HNRNPF: variants seen among roughly 807,000 people sequenced by gnomAD.
HNRNPF encodes heterogeneous nuclear ribonucleoprotein F.
A neutral mutation model predicts 26.0 loss-of-function variants in HNRNPF; 2 were observed. That is an observed-to-expected ratio of 0.08 (90% CI 0.03 to 0.24). HNRNPF has a LOEUF of 0.24. HNRNPF is among the 10% of genes least tolerant of loss of function. The pLI is 1.00. For missense variants in HNRNPF, 299 were observed against 539.2 expected, an observed-to-expected ratio of 0.55 and a Z score of 4.41; for synonymous variants, 234 against 211.5, an observed-to-expected ratio of 1.11 and a Z score of -0.92.
At chr10:43,398,344 G>GTTTTT (rs71533061) in intron 1 of HNRNPF, among the ~76,000 whole-genome samples, 5 of 125,482 alleles carry the variant, frequency 4.0e-5, no homozygotes, top group South Asian at 2.5e-4. Flanking sequence ...TGTTGTTGTT[G>GTTTTT]TTTTTTTTTT....
chr10:43,390,600 A>G lies in HNRNPF; in HGVS notation c.-52-2664T>C, dbSNP rs571603555. Among the ~76,000 whole-genome samples, 3 of 152,180 alleles carry G rather than the reference A, an allele frequency of 2.0e-5. No individual in the cohort carries two copies. The East Asian group carries it at 5.8e-4, about 29-fold the overall frequency. On this transcript the variant is annotated intron_variant, in intron 3 of 3. Transcript: ENST00000682386. ...CCTCTTTCTCTCCTCATTCTTCATAATCCAGCTTAGAGCAAGTATCATTTT... is the reference window on the plus strand; with the variant it reads ...CCTCTTTCTCTCCTCATTCTTCATAGTCCAGCTTAGAGCAAGTATCATTTT...
chr10:43,401,065 G>A (rs1038334859), intron 1 of HNRNPF, among the ~76,000 whole-genome samples: 3 of 146,796 alleles, frequency 2.0e-5, no homozygotes, highest in African/African-American at 8.0e-5. Flanking sequence ...CTGGGCGATA[G>A]AGCGAGACTC....
intron 3 of HNRNPF, among the ~76,000 whole-genome samples, chr10:43,394,042 A>T (rs1457699037): frequency 2.0e-5 from 3 of 152,194 alleles, no homozygotes; most frequent in Non-Finnish European, 4.4e-5. Context: ...GTGTTGTTAA[A>T]GGGGTCTTAA....
intron 3 of HNRNPF, among the ~76,000 whole-genome samples, chr10:43,388,966 ATTTTTT>A (rs141503011): frequency 1.3e-4 from 16 of 127,098 alleles, no homozygotes; most frequent in African/African-American, 3.7e-4. Flanking sequence ...AGTATATGGA[ATTTTTT>A]TTTTTTTTTT....
Position 43,387,032 on chromosome 10 carries a change from T to A in HNRNPF, c.853A>T (p.Ser285Cys), listed in dbSNP as rs776613768. 1.2e-6 allele frequency: 2 copies of A among 1,613,622 alleles called. No homozygotes were observed. The highest frequency in any genetic ancestry group is 1.1e-5 in the South Asian group (1 of 91,076). Residue 285 changes from serine (S) to cysteine (C), a missense_variant, in exon 4 of 4, where the codon AGC becomes TGC. Transcript: ENST00000682386. This position sits in a 1 kb window ranked among gnomAD's most constrained non-coding sequence, Gnocchi z 6.0. The part of the protein sequence containing the change: ...RYGDSEFTVQ[S>C]TTGHCVHMRG... Reference sequence around the variant, plus strand: ...ATGTGGACACAGTGGCCTGTGGTGCTCTGCACTGTGAACTCACTGTCGCCG... The same window carrying A: ...ATGTGGACACAGTGGCCTGTGGTGCACTGCACTGTGAACTCACTGTCGCCG...
At chr10:43,407,081 TAGAA>T (rs1354882510) in intron 1 of HNRNPF, among the ~76,000 whole-genome samples, 1 of 152,068 alleles carries the variant, frequency 6.6e-6, no homozygotes, top group African/African-American at 2.4e-5. Context: ...TATAACTAAG[TAGAA>T]AGAATTATAT....
At chr10:43,405,614 C>T (rs1213590398) in intron 1 of HNRNPF, among the ~76,000 whole-genome samples, 1 of 151,860 alleles carries the variant, frequency 6.6e-6, no homozygotes, top group Non-Finnish European at 1.5e-5. Flanking sequence ...TGAGATTGTG[C>T]CACTGCACTC....
chr10:43,386,032 GTCTT>G lies in HNRNPF; in HGVS notation c.*601_*604del, dbSNP rs1162395015. On this transcript the variant is annotated 3_prime_UTR_variant, in exon 4 of 4. Transcript: ENST00000682386. Reference sequence around the variant, plus strand: ...AATCTGTGCCAGTCATTGTGAAAAAGTCTTTATTTTAAGAAAAAAATTTAGTTAA... The same window carrying G: ...AATCTGTGCCAGTCATTGTGAAAAAGTATTTTAAGAAAAAAATTTAGTTAA... 5.2e-5 allele frequency: 8 copies of G among 152,524 alleles called. No homozygotes were observed. The highest frequency in any genetic ancestry group is 1.5e-5 in the Non-Finnish European group (1 of 68,004). 9.4% of individuals were successfully genotyped at this position (152,524 alleles called of 1,614,324 possible). A position where few individuals can be genotyped will look rare whatever the true frequency, so the allele number is the denominator to read the frequency against.
chr10:43,406,043 A>G (rs1838908288), intron 1 of HNRNPF, among the ~76,000 whole-genome samples: 1 of 152,144 alleles, frequency 6.6e-6, no homozygotes, highest in African/African-American at 2.4e-5. Context: ...CATCTGAAAC[A>G]TGGGGCTAAT....
intron 1 of HNRNPF, among the ~76,000 whole-genome samples, chr10:43,397,989 C>G (rs992040939): frequency 6.6e-6 from 1 of 152,120 alleles, no homozygotes; most frequent in African/African-American, 2.4e-5. Context: ...TTTCATTACA[C>G]TTGTTTCTAC....
rs1838002137 is a variant in HNRNPF, at chr10:43,385,818, T to C, written c.*819A>G. On this transcript the variant is annotated 3_prime_UTR_variant, in exon 4 of 4. Transcript: ENST00000682386. ...TGTGTCTATTTGATGCTTCCCAGAA[T>C]GTGTGCTGCTAGTCACCATTTCCAC... is the stretch of plus-strand genomic sequence containing the variant. 6.6e-6 allele frequency: 1 copy of C among 152,384 alleles called. No homozygotes were observed. Among genetic ancestry groups the C allele is most frequent in the African/African-American group, 2.4e-5 (1 of 41,458 alleles). The allele number at this position is 152,384 out of a possible 1,614,324, so 9.4% of individuals were successfully genotyped here.
chr10:43,390,813 C>G (rs1428163029), intron 3 of HNRNPF, among the ~76,000 whole-genome samples: 1 of 152,164 alleles, frequency 6.6e-6, no homozygotes, highest in Non-Finnish European at 1.5e-5. Flanking sequence ...CTCAGGACTA[C>G]TGACATTTTG....
intron 1 of HNRNPF, chr10:43,396,892 G>GGGGGAGGGGAGGGGAGGGGA (rs370667436): frequency 9.6e-6 from 1 of 104,552 alleles, no homozygotes; most frequent in Non-Finnish European, 1.9e-5. Context: ...CCTCGCGGGA[G>GGGGGAGGGGAGGGGAGGGGA]GGGGAGGGGA....
At chr10:43,399,714 G>A (rs1022112210) in intron 1 of HNRNPF, among the ~76,000 whole-genome samples, 2 of 152,214 alleles carry the variant, frequency 1.3e-5, no homozygotes, top group Admixed American at 6.5e-5. Flanking sequence ...GAATGTGAAA[G>A]AATGTGTAAT....
At chr10:43,390,721 T>C (rs1279501516) in intron 3 of HNRNPF, among the ~76,000 whole-genome samples, 2 of 152,144 alleles carry the variant, frequency 1.3e-5, no homozygotes, top group African/African-American at 4.8e-5. Flanking sequence ...CAAACAAATA[T>C]CTGACTACTC....
At position 43,387,025 on chromosome 10, in the gene HNRNPF, G is replaced by A. The variant is rs1221848527; in HGVS notation, c.860C>T (p.Thr287Ile). 4 of 1,613,520 alleles carry A rather than the reference G, an allele frequency of 2.5e-6. No individual in the cohort carries two copies. Among genetic ancestry groups the A allele is most frequent in the Non-Finnish European group, 3.4e-6 (4 of 1,180,058 alleles). ...GDSEFTVQST[T>I]GHCVHMRGLP... ...GCCCCTCATGTGGACACAGTGGCCT[G>A]TGGTGCTCTGCACTGTGAACTCACT... The change falls in exon 4 of 4, where the codon ACA becomes ATA. Residue 287 changes from threonine (T) to isoleucine (I), a missense_variant. Thr to Ile is a moderately conservative substitution (Grantham distance 89). Transcript: ENST00000682386. This position sits in a 1 kb window ranked among gnomAD's most constrained non-coding sequence, Gnocchi z 6.0.
At chr10:43,402,740 A>T (rs185686231) in intron 1 of HNRNPF, among the ~76,000 whole-genome samples, 1 of 152,348 alleles carries the variant, frequency 6.6e-6, no homozygotes, top group African/African-American at 2.4e-5. Flanking sequence ...CACTATTCTA[A>T]TCAAATAACT....
chr10:43,393,229 T>C (rs973831923), intron 3 of HNRNPF, among the ~76,000 whole-genome samples: 2 of 152,254 alleles, frequency 1.3e-5, no homozygotes, highest in African/African-American at 2.4e-5. Context: ...GTACCTCATA[T>C]TGTTATTTCT....
intron 3 of HNRNPF, among the ~76,000 whole-genome samples, chr10:43,390,964 A>G (rs1286934029): frequency 6.6e-6 from 1 of 151,944 alleles, no homozygotes; most frequent in African/African-American, 2.4e-5. Flanking sequence ...ACATTCCCAA[A>G]TGTTCTCTGG....
Sources: gnomAD v4.1 joint callset for allele counts (sites outside exome capture counted in the v4.1 genomes callset) on GRCh38, gnomAD v4.1.1 for gene constraint, Gnocchi (gnomAD v3.1) non-coding constraint, MANE v1.5 for transcripts, NCBI Gene and HGNC (gene_info 2026-07-23, HGNC 2026-07-21) for gene names.